The following CSMD1 variants were observed in gnomAD, a reference collection of about 807,000 sequenced individuals.
CSMD1 encodes the protein CUB and Sushi multiple domains 1.
CSMD1 carries 213 observed loss-of-function variants against 417.5 expected under a neutral mutation model. The ratio of observed to expected loss-of-function variants is 0.51; its 90% CI spans 0.46 to 0.57. The LOEUF is 0.57. Among genes scored for constraint, CSMD1 ranks in the 20% least tolerant of loss-of-function variants. The probability of loss-of-function intolerance (pLI) is 0.00; values close to 1 mark genes in which losing one functional copy is unlikely to be tolerated. For missense variants in CSMD1, 6,923 were observed against 4,529.7 expected (o/e 1.53, Z -15.17); for synonymous variants, 2,862 against 1,736.8 (o/e 1.65, Z -16.11).
chr8:3,868,522 T>C (rs182002854), intron 5 of CSMD1, among the ~76,000 whole-genome samples: 4 of 152,108 alleles, frequency 2.6e-5, no homozygotes, highest in African/African-American at 9.6e-5. Flanking sequence ...ACACCACCAA[T>C]TCCCAAATGC....
chr8:4,144,373 G>C (rs1257038886), intron 3 of CSMD1, among the ~76,000 whole-genome samples: 2 of 151,116 alleles, frequency 1.3e-5, no homozygotes, highest in Non-Finnish European at 2.9e-5. Flanking sequence ...ATAAGGGTGT[G>C]TTTTTAGAAC....
At chr8:3,535,159 G>T (rs113274015) in intron 10 of CSMD1, among the ~76,000 whole-genome samples, 5 of 151,782 alleles carry the variant, frequency 3.3e-5, no homozygotes, top group Non-Finnish European at 7.4e-5. Flanking sequence ...TCACCATGGT[G>T]CCCATGCTGG....
chr8:4,851,987 A>G (rs969369456), intron 1 of CSMD1, among the ~76,000 whole-genome samples: 1 of 152,064 alleles, frequency 6.6e-6, no homozygotes, highest in Non-Finnish European at 1.5e-5. Context: ...TATAGATTTA[A>G]TCTCTCTCTG....
At chr8:3,776,489 T>C (rs1470889415) in intron 5 of CSMD1, among the ~76,000 whole-genome samples, 2 of 152,130 alleles carry the variant, frequency 1.3e-5, no homozygotes, top group Admixed American at 1.3e-4. Context: ...ACACACACAT[T>C]TCCTGCTCTC....
At chr8:4,461,734 T>C (rs976144425) in intron 2 of CSMD1, among the ~76,000 whole-genome samples, 14 of 108,904 alleles carry the variant, frequency 1.3e-4, no homozygotes, top group Non-Finnish European at 2.4e-4. Flanking sequence ...TTATTATTTA[T>C]TTACTTATTT....
At chr8:4,150,490 CAG>C (rs1456944969) in intron 3 of CSMD1, among the ~76,000 whole-genome samples, 27 of 152,308 alleles carry the variant, frequency 1.8e-4, no homozygotes, top group African/African-American at 6.3e-4. Context: ...TTTTTCACAA[CAG>C]AGATATCTTC....
chr8:3,501,412 A>G (rs939477756), intron 10 of CSMD1, among the ~76,000 whole-genome samples: 1 of 152,244 alleles, frequency 6.6e-6, no homozygotes, highest in Admixed American at 6.5e-5. Flanking sequence ...TTTGTGTCAG[A>G]AACTGTGATG....
At chr8:3,167,291 G>GAAAAAAAAAAAAAAAA (rs61026104) in intron 37 of CSMD1, among the ~76,000 whole-genome samples, 1 of 102,600 alleles carries the variant, frequency 9.7e-6, no homozygotes, top group Non-Finnish European at 2.1e-5. Context: ...CTTGGAAAAA[G>GAAAAAAAAAAAAAAAA]AAAAAAAAAA....
At chr8:4,261,940 T>A (rs938062611) in intron 3 of CSMD1, among the ~76,000 whole-genome samples, 1 of 152,154 alleles carries the variant, frequency 6.6e-6, no homozygotes, top group African/African-American at 2.4e-5. Flanking sequence ...GATATGGCAA[T>A]GTAACAAAAC....
chr8:3,467,304 A>G (rs1816840841), intron 12 of CSMD1, among the ~76,000 whole-genome samples: 1 of 152,156 alleles, frequency 6.6e-6, no homozygotes, highest in Non-Finnish European at 1.5e-5. Flanking sequence ...ATTTACTGCA[A>G]TTTGCCCTGT....
At chr8:4,065,550 G>C (rs1031817140) in intron 3 of CSMD1, among the ~76,000 whole-genome samples, 16 of 75,128 alleles carry the variant, frequency 2.1e-4, no homozygotes, top group Admixed American at 3.6e-4. Flanking sequence ...TTTCTTGATA[G>C]TAGCTAATCT....
At chr8:3,750,760 G>C (rs993619790) in intron 6 of CSMD1, among the ~76,000 whole-genome samples, 2 of 152,248 alleles carry the variant, frequency 1.3e-5, no homozygotes, top group South Asian at 2.1e-4. Flanking sequence ...CTGGGTGGCT[G>C]GCAGGGACTC....
chr8:4,883,256 G>C (rs1803526298), intron 1 of CSMD1, among the ~76,000 whole-genome samples: 2 of 152,058 alleles, frequency 1.3e-5, no homozygotes, highest in Admixed American at 6.5e-5. Context: ...ATAAGAGAAT[G>C]ATGAAAGCTA....
chr8:3,390,571 T>G (rs892647896), intron 17 of CSMD1, among the ~76,000 whole-genome samples: 1 of 151,908 alleles, frequency 6.6e-6, no homozygotes, highest in African/African-American at 2.4e-5. Context: ...TGAAACGACG[T>G]GTATATTCAG....
At chr8:4,790,204 C>T (rs1797619752) in intron 1 of CSMD1, among the ~76,000 whole-genome samples, 1 of 151,922 alleles carries the variant, frequency 6.6e-6, no homozygotes, top group South Asian at 2.1e-4. Context: ...AGCTGAGAGC[C>T]AAATCTGAGA....
rs1403831404 is a variant in CSMD1, at chr8:4,704,870, CA to C, written c.86-67313del. Among the ~76,000 whole-genome samples, 3 of 152,190 alleles carry C rather than the reference CA, an allele frequency of 2.0e-5. No individual in the cohort carries two copies. In the East Asian group the frequency reaches 5.8e-4, roughly 29 times the overall value. ...GGGCAAAACACCCTAGAGAAGGCTC[CA>C]AAAACCCTATGGTAAAGAAAACTGC... On this transcript the variant is annotated intron_variant, in intron 1 of 69. Coordinates refer to ENST00000635120, the MANE Select transcript of CSMD1 (RefSeq NM_033225.6).
At chr8:4,245,354 A>G (rs73188015) in intron 3 of CSMD1, among the ~76,000 whole-genome samples, 1 of 152,140 alleles carries the variant, frequency 6.6e-6, no homozygotes, top group Non-Finnish European at 1.5e-5. Context: ...GGGTGGGAGG[A>G]AAGATTGCAA....
intron 21 of CSMD1, among the ~76,000 whole-genome samples, chr8:3,356,551 T>C (rs1808804975): frequency 6.6e-6 from 1 of 152,174 alleles, no homozygotes; most frequent in African/African-American, 2.4e-5. Flanking sequence ...GGCATGTGCC[T>C]GTAGTCCCAG....
At chr8:4,910,252 T>G (rs1805572464) in intron 1 of CSMD1, among the ~76,000 whole-genome samples, 1 of 152,048 alleles carries the variant, frequency 6.6e-6, no homozygotes, top group South Asian at 2.1e-4. Context: ...TACACTTCCA[T>G]TGTATTATCT....
Sources: gnomAD v4.1 joint callset for allele counts (sites outside exome capture counted in the v4.1 genomes callset) on GRCh38, gnomAD v4.1.1 for gene constraint, MANE v1.5 for transcripts, NCBI Gene and HGNC (gene_info 2026-07-23, HGNC 2026-07-21) for gene names.